SLC23A2: variants seen among roughly 807,000 people sequenced by gnomAD.
SLC23A2 encodes solute carrier family 23 member 2, also known as Na(+)/L-ascorbic acid transporter 2.
SLC23A2 carries 36 observed loss-of-function variants against 73.3 expected under a neutral mutation model. The observed-to-expected ratio is 0.49, with a 90% CI of 0.38 to 0.65. The LOEUF (loss-of-function observed/expected upper bound fraction) is 0.65, where lower values mean the gene tolerates loss of function less well. SLC23A2 is among the 30% of genes least tolerant of loss of function. The pLI is 0.00. For missense variants in SLC23A2, 507 were observed against 841.6 expected (o/e 0.60, Z 4.92); for synonymous variants, 343 against 327.3 (o/e 1.05, Z -0.52).
At chr20:4,926,745 G>A in intron 3 of SLC23A2, among the ~76,000 whole-genome samples, 1 of 152,046 alleles carries the variant, frequency 6.6e-6, no homozygotes, top group East Asian at 1.9e-4. Flanking sequence ...TGACCTAGTG[G>A]ACATTCTACT....
Position 4,861,022 on chromosome 20 carries a change from G to A in SLC23A2, c.1624+926C>T, listed in dbSNP as rs1043637700. Among the ~76,000 whole-genome samples, 10 of 152,300 alleles carry A rather than the reference G, an allele frequency of 6.6e-5. 1 individual carries two copies. The South Asian group carries it at 2.1e-3, about 32-fold the overall frequency. On this transcript the variant is annotated intron_variant, in intron 15 of 16. Coordinates refer to ENST00000338244, the MANE Select transcript of SLC23A2 (RefSeq NM_005116.6). Reference sequence around the variant, plus strand: ...TGCCCAGGCCTGCACTCCAGCCTGAGCGACAAAGCAAGACTCCATCTCAAA... The same window carrying A: ...TGCCCAGGCCTGCACTCCAGCCTGAACGACAAAGCAAGACTCCATCTCAAA...
At position 5,001,499 on chromosome 20, in the gene SLC23A2, C is replaced by T. The variant is rs2088125679; in HGVS notation, c.-375G>A. The stretch of plus-strand genomic sequence containing the variant: ...CGCCTCCGGTCCCCGCGACAGCCGC[C>T]TGCAAAATGGCGCCGCGGAGGGGCG... On this transcript the variant is annotated 5_prime_UTR_variant, in exon 1 of 17. Coordinates refer to ENST00000338244, the MANE Select transcript of SLC23A2 (RefSeq NM_005116.6). The T allele has an allele frequency of 6.6e-6, 1 of 150,552 alleles. No individual in the cohort carries two copies. The highest frequency in any genetic ancestry group is 1.5e-5 in the Non-Finnish European group (1 of 67,444). The allele number at this position is 150,552 out of a possible 1,614,324, so 9.3% of individuals were successfully genotyped here. A position where few individuals can be genotyped will look rare whatever the true frequency, so the allele number is the denominator to read the frequency against.
chr20:4,890,094 A>C (rs544400001), intron 6 of SLC23A2, among the ~76,000 whole-genome samples: 1 of 152,148 alleles, frequency 6.6e-6, no homozygotes, highest in Non-Finnish European at 1.5e-5. Context: ...TCTGCCCAGA[A>C]CTAAACTGTT....
chr20:4,975,380 T>C (rs2087627591), intron 1 of SLC23A2, among the ~76,000 whole-genome samples: 1 of 152,148 alleles, frequency 6.6e-6, no homozygotes, highest in Non-Finnish European at 1.5e-5. Context: ...GATTGTTTTT[T>C]ATTACTTATT....
At chr20:4,881,490 A>G (rs1930881971) in intron 9 of SLC23A2, among the ~76,000 whole-genome samples, 1 of 151,962 alleles carries the variant, frequency 6.6e-6, no homozygotes, top group African/African-American at 2.4e-5. Context: ...ATTTGGGGGG[A>G]GGTAACAGTT....
At chr20:5,008,331 G>A (rs563646133) in intron 1 of SLC23A2, among the ~76,000 whole-genome samples, 4 of 152,174 alleles carry the variant, frequency 2.6e-5, no homozygotes, top group African/African-American at 9.6e-5. Flanking sequence ...AAAAAAGAGA[G>A]CGTTTAAATG....
chr20:4,888,855 CTGGGAGTGCTGGTTAAA>C (rs1931205629), intron 6 of SLC23A2, among the ~76,000 whole-genome samples: 1 of 152,216 alleles, frequency 6.6e-6, no homozygotes, highest in Non-Finnish European at 1.5e-5. Flanking sequence ...TCAGGATTCT[CTGGGAGTGCTGGTTAAA>C]TGTGGAGATT....
At chr20:4,911,377 C>T (rs1235014882) in intron 4 of SLC23A2, among the ~76,000 whole-genome samples, 1 of 152,130 alleles carries the variant, frequency 6.6e-6, no homozygotes, top group Non-Finnish European at 1.5e-5. Context: ...ATTTCCATAT[C>T]CCAGACTGGA....
chr20:4,887,258 G>A (rs1034479020), intron 6 of SLC23A2, among the ~76,000 whole-genome samples: 3 of 152,210 alleles, frequency 2.0e-5, no homozygotes, highest in African/African-American at 4.8e-5. Flanking sequence ...GGGAATGTAC[G>A]TCAAAGGGAA....
intron 2 of SLC23A2, among the ~76,000 whole-genome samples, chr20:4,949,828 C>G (rs1332701994): frequency 6.6e-6 from 1 of 152,134 alleles, no homozygotes; most frequent in Non-Finnish European, 1.5e-5. Context: ...CAAAGCAGAA[C>G]CGCCAAATGG....
At chr20:4,873,631 G>A (rs960578834) in intron 11 of SLC23A2, among the ~76,000 whole-genome samples, 1 of 152,212 alleles carries the variant, frequency 6.6e-6, no homozygotes, top group African/African-American at 2.4e-5. Context: ...TATCTAAGCA[G>A]CTGCCCTCAA....
At chr20:4,970,570 G>GA (rs201774139) in intron 2 of SLC23A2, among the ~76,000 whole-genome samples, 1,664 of 151,258 alleles carry the variant, frequency 0.011, 22 homozygotes, top group Non-Finnish European at 0.014. Context: ...CCATCTCTAA[G>GA]AAAAAAAAAT....
intron 3 of SLC23A2, among the ~76,000 whole-genome samples, chr20:4,927,233 T>C (rs941227030): frequency 6.6e-6 from 1 of 152,204 alleles, no homozygotes; most frequent in African/African-American, 2.4e-5. Flanking sequence ...CTAGCAGCCA[T>C]GATGCTGGAC....
At chr20:4,935,849 AG>A (rs2086955343) in intron 2 of SLC23A2, among the ~76,000 whole-genome samples, 1 of 152,156 alleles carries the variant, frequency 6.6e-6, no homozygotes, top group Admixed American at 6.5e-5. Flanking sequence ...ATATCTATGT[AG>A]AAAAAATCTG....
chr20:4,967,392 T>C (rs2087490260), intron 2 of SLC23A2, among the ~76,000 whole-genome samples: 1 of 152,220 alleles, frequency 6.6e-6, no homozygotes. Flanking sequence ...AAATAACCAG[T>C]TGAAAAGGCC....
rs1298756009 is a variant in SLC23A2 at position 4,862,262 on chromosome 20, C to A, written c.1487-177G>T. 6.6e-6 allele frequency among the ~76,000 whole-genome samples: 1 copy of A among 152,202 alleles called. No homozygotes were observed. Among genetic ancestry groups the A allele is most frequent in the Admixed American group, 6.5e-5 (1 of 15,282 alleles). The stretch of plus-strand genomic sequence containing the variant: ...GACTGTAGCCACCCTGCGCTCTGAG[C>A]CAAATGACCCTCGGCGTACGCGCTA... On this transcript the variant is annotated intron_variant, in intron 14 of 16. Coordinates refer to ENST00000338244, the MANE Select transcript of SLC23A2 (RefSeq NM_005116.6). The surrounding 1 kb of genome is among the most constrained non-coding windows in gnomAD (Gnocchi z 5.1).
chr20:4,940,984 C>T lies in SLC23A2; in HGVS notation c.-154-8268G>A, dbSNP rs868305280. On this transcript the variant is annotated intron_variant, in intron 2 of 16. Coordinates refer to ENST00000338244, the MANE Select transcript of SLC23A2 (RefSeq NM_005116.6). ...CAGCCTGGCCAACATGGTGAAAACC[C>T]GTCTCTACCAAAAATACAAAAGTTA... 7.2e-5 allele frequency among the ~76,000 whole-genome samples: 11 copies of T among 151,830 alleles called. No homozygotes were observed. In the Middle Eastern group the frequency reaches 0.014, roughly 188 times the overall value.
intron 1 of SLC23A2, among the ~76,000 whole-genome samples, chr20:4,992,803 C>T (rs1391706322): frequency 6.6e-6 from 1 of 151,704 alleles, no homozygotes; most frequent in Non-Finnish European, 1.5e-5. Context: ...AGCCACCGCG[C>T]TTGGCCAACA....
intron 2 of SLC23A2, among the ~76,000 whole-genome samples, chr20:4,961,174 C>T (rs1441981658): frequency 6.9e-6 from 1 of 145,492 alleles, no homozygotes; most frequent in Non-Finnish European, 1.5e-5. Flanking sequence ...GCGGCACGAT[C>T]TTGGCTCACT....
Sources: allele counts gnomAD v4.1 joint callset (sites outside exome capture counted in the v4.1 genomes callset), GRCh38; gene constraint gnomAD v4.1.1; non-coding constraint Gnocchi (gnomAD v3.1); transcripts MANE v1.5; gene names NCBI Gene and HGNC (gene_info 2026-07-23, HGNC 2026-07-21).